Variants in TAFA1 observed in about 807,000 individuals in gnomAD.
TAFA1 encodes TAFA chemokine like family member 1, also known as chemokine-like protein TAFA-1.
A neutral mutation model predicts 18.5 loss-of-function variants in TAFA1; 4 were observed. The ratio of observed to expected loss-of-function variants is 0.22; its 90% CI spans 0.11 to 0.49. The LOEUF (loss-of-function observed/expected upper bound fraction) is 0.49, where lower values mean the gene tolerates loss of function less well. Among genes scored for constraint, TAFA1 ranks in the 20% least tolerant of loss-of-function variants. The probability of loss-of-function intolerance (pLI) is 0.98; values close to 1 mark genes in which losing one functional copy is unlikely to be tolerated. For synonymous variants in TAFA1, 56 were observed against 55.2 expected, an observed-to-expected ratio of 1.01 and a Z score of -0.06; for missense variants, 147 against 169.0, an observed-to-expected ratio of 0.87 and a Z score of 0.72.
chr3:68,018,559 A>G (rs555169645), intron 2 of TAFA1, among the ~76,000 whole-genome samples: 15 of 152,326 alleles, frequency 9.8e-5, no homozygotes, highest in African/African-American at 3.4e-4. Flanking sequence ...ACACTTTACT[A>G]TAGTCCCTGG....
chr3:68,211,069 C>T (rs1187627251), intron 2 of TAFA1, among the ~76,000 whole-genome samples: 2 of 152,022 alleles, frequency 1.3e-5, no homozygotes, highest in Non-Finnish European at 2.9e-5. Context: ...CACAACTTGG[C>T]AGCTAGCCTC....
chr3:68,535,324 C>T (rs937516973), intron 3 of TAFA1, among the ~76,000 whole-genome samples: 1 of 150,030 alleles, frequency 6.7e-6, no homozygotes, highest in African/African-American at 2.5e-5. Context: ...TTACCCATGA[C>T]AAGAATCTTC....
intron 2 of TAFA1, among the ~76,000 whole-genome samples, chr3:68,149,161 A>C (rs1326542854): frequency 6.6e-6 from 1 of 152,170 alleles, no homozygotes; most frequent in East Asian, 1.9e-4. Context: ...AGAAAACTGA[A>C]GCTTGGAGAT....
chr3:68,042,760 G>A (rs1353664885), intron 2 of TAFA1, among the ~76,000 whole-genome samples: 1 of 152,218 alleles, frequency 6.6e-6, no homozygotes, highest in African/African-American at 2.4e-5. Context: ...TAGAATGGTA[G>A]TATTTTTGCT....
chr3:68,188,520 TATAGAGAG>T (rs1385466265), intron 2 of TAFA1, among the ~76,000 whole-genome samples: 1 of 146,526 alleles, frequency 6.8e-6, no homozygotes, highest in Non-Finnish European at 1.5e-5. Flanking sequence ...TATATATATA[TATAGAGAG>T]AGAGAGAGAG....
chr3:68,011,376 T>C (rs1271062904), intron 2 of TAFA1, among the ~76,000 whole-genome samples: 2 of 152,198 alleles, frequency 1.3e-5, no homozygotes, highest in African/African-American at 4.8e-5. Context: ...GTGTAATTTA[T>C]ACTTGACCTG....
intron 2 of TAFA1, among the ~76,000 whole-genome samples, chr3:68,379,329 T>G (rs936284438): frequency 3.3e-5 from 5 of 152,210 alleles, no homozygotes; most frequent in Non-Finnish European, 7.3e-5. Flanking sequence ...TCTGTTAATG[T>G]CCTTTAATGG....
intron 2 of TAFA1, among the ~76,000 whole-genome samples, chr3:68,314,032 C>T (rs1002372905): frequency 6.6e-6 from 1 of 152,010 alleles, no homozygotes; most frequent in African/African-American, 2.4e-5. Flanking sequence ...ATTATTCTGC[C>T]TAAAGGTAAA....
chr3:68,118,836 C>T (rs1172127594), intron 2 of TAFA1, among the ~76,000 whole-genome samples: 1 of 152,118 alleles, frequency 6.6e-6, no homozygotes, highest in East Asian at 1.9e-4. Context: ...GCTATGAACA[C>T]AGATGTATAA....
At chr3:68,302,740 A>G (rs920197926) in intron 2 of TAFA1, among the ~76,000 whole-genome samples, 3 of 152,188 alleles carry the variant, frequency 2.0e-5, no homozygotes, top group Non-Finnish European at 2.9e-5. Context: ...GGCCAGAAGT[A>G]TGGGAGACTG....
At chr3:68,013,524 A>T (rs1704512750) in intron 2 of TAFA1, among the ~76,000 whole-genome samples, 1 of 152,140 alleles carries the variant, frequency 6.6e-6, no homozygotes, top group Admixed American at 6.5e-5. Context: ...TTTAGAAAAG[A>T]CTATAGGAGT....
intron 2 of TAFA1, among the ~76,000 whole-genome samples, chr3:68,167,983 A>G (rs1278643349): frequency 6.6e-6 from 1 of 152,086 alleles, no homozygotes; most frequent in African/African-American, 2.4e-5. Flanking sequence ...TTTGCACCTA[A>G]ATGTAAAAGT....
intron 2 of TAFA1, among the ~76,000 whole-genome samples, chr3:68,263,640 A>T (rs2107205676): frequency 6.6e-6 from 1 of 152,040 alleles, no homozygotes; most frequent in South Asian, 2.1e-4. Flanking sequence ...AAAGAGTTAC[A>T]GCAAGTGAGT....
chr3:68,364,359 G>A (rs571496720), intron 2 of TAFA1, among the ~76,000 whole-genome samples: 3 of 152,212 alleles, frequency 2.0e-5, no homozygotes, highest in South Asian at 2.1e-4. Context: ...AGAAAACTAC[G>A]ATTAATGGCA....
rs571144062 is a variant in TAFA1 at position 68,130,321 on chromosome 3, C to T, written c.118+123577C>T. ...TTTTAGGCACTAGAGCAGTTTGCTG[C>T]GGACATTTGGGGCAGTGGAGCCTTT... On this transcript the variant is annotated intron_variant, in intron 2 of 4. Transcript: ENST00000478136. Among the ~76,000 whole-genome samples the T allele has an allele frequency of 2.3e-4, 35 of 152,284 alleles. No individual in the cohort carries two copies. In the South Asian group the frequency reaches 2.7e-3, roughly 12 times the overall value.
At chr3:68,479,995 T>A (rs977094696) in intron 3 of TAFA1, among the ~76,000 whole-genome samples, 1 of 152,148 alleles carries the variant, frequency 6.6e-6, no homozygotes, top group Admixed American at 6.5e-5. Flanking sequence ...AAGATTGGAT[T>A]CTCTCATTTG....
intron 3 of TAFA1, among the ~76,000 whole-genome samples, chr3:68,457,773 A>G (rs2071692074): frequency 6.6e-6 from 1 of 152,182 alleles, no homozygotes; most frequent in Admixed American, 6.5e-5. Context: ...TCCTTTGATC[A>G]GCATCTTCCC....
In TAFA1 at chr3:68,543,058, A is replaced by G. The variant is rs556767266; in HGVS notation, c.385-1428A>G. 2.6e-5 allele frequency among the ~76,000 whole-genome samples: 4 copies of G among 152,276 alleles called. No individual in the cohort carries two copies. The East Asian group carries it at 5.8e-4, about 22-fold the overall frequency. The stretch of plus-strand genomic sequence containing the variant: ...GACCCACAAGGAATTTCCCTGTGGT[A>G]AAATTGTGAGGGACGTATGTGGCTT... On this transcript the variant is annotated intron_variant, in intron 4 of 4. Coordinates refer to ENST00000478136, the MANE Select transcript of TAFA1 (RefSeq NM_213609.4).
chr3:68,084,930 C>A (rs1441919351), intron 2 of TAFA1, among the ~76,000 whole-genome samples: 1 of 152,098 alleles, frequency 6.6e-6, no homozygotes, highest in Admixed American at 6.5e-5. Context: ...TTTGAAATAT[C>A]TGTCCTTATG....
Sources: allele counts gnomAD v4.1 joint callset (sites outside exome capture counted in the v4.1 genomes callset), GRCh38; gene constraint gnomAD v4.1.1; transcripts MANE v1.5; gene names NCBI Gene and HGNC (gene_info 2026-07-23, HGNC 2026-07-21).